The following SLIT3 variants were observed in gnomAD, a reference collection of about 807,000 sequenced individuals.
SLIT3 encodes the protein slit homolog 3 protein.
In SLIT3, 68 loss-of-function variants were observed where a neutral mutation model predicts 184.0. The observed-to-expected ratio is 0.37, with a 90% CI of 0.30 to 0.45. The LOEUF (loss-of-function observed/expected upper bound fraction) is 0.45. SLIT3 is among the 20% of genes least tolerant of loss of function. SLIT3 has a pLI of 1.00. For missense variants in SLIT3, 1,707 were observed against 2,026.0 expected (o/e 0.84, Z 3.02); for synonymous variants, 831 against 828.6 (o/e 1.00, Z -0.05).
chr5:168,910,361 CA>C (rs1369905836), intron 4 of SLIT3, among the ~76,000 whole-genome samples: 2 of 152,202 alleles, frequency 1.3e-5, no homozygotes, highest in East Asian at 3.8e-4. Flanking sequence ...CACATACATA[CA>C]AATTTACATA....
At chr5:169,044,313 T>C (rs1446902005) in intron 4 of SLIT3, among the ~76,000 whole-genome samples, 1 of 152,114 alleles carries the variant, frequency 6.6e-6, no homozygotes, top group Non-Finnish European at 1.5e-5. Flanking sequence ...ACTGAAAACA[T>C]ACATGCACAC....
Position 169,230,858 on chromosome 5 carries a change from A to G in SLIT3, c.341+13847T>C, listed in dbSNP as rs531925144. On this transcript the variant is annotated intron_variant, in intron 3 of 35. Transcript: ENST00000519560. ...AATAAAACTTTTTTTTTAAATATGC[A>G]TCTTAAAAAGTTTTCAGTCACGAAA... Among the ~76,000 whole-genome samples the G allele has an allele frequency of 7.2e-5, 11 of 152,308 alleles. No homozygotes were observed. The South Asian group carries it at 1.9e-3, about 26-fold the overall frequency.
At chr5:169,127,055 T>C (rs1387538748) in intron 4 of SLIT3, among the ~76,000 whole-genome samples, 1 of 152,240 alleles carries the variant, frequency 6.6e-6, no homozygotes. Flanking sequence ...GTTGGTCTGA[T>C]AGTTACTCCT....
chr5:168,929,857 AG>A (rs1292673978), intron 4 of SLIT3, among the ~76,000 whole-genome samples: 1 of 152,224 alleles, frequency 6.6e-6, no homozygotes, highest in African/African-American at 2.4e-5. Context: ...TCCACAGCAG[AG>A]GAGGCGGGTG....
At chr5:168,746,373 AGT>A (rs1763811479) in intron 20 of SLIT3, among the ~76,000 whole-genome samples, 1 of 60,660 alleles carries the variant, frequency 1.6e-5, no homozygotes, top group Non-Finnish European at 3.3e-5. Flanking sequence ...GTGGTGTGTG[AGT>A]GTGGTGGTGT....
intron 4 of SLIT3, among the ~76,000 whole-genome samples, chr5:169,058,391 CTTAG>C (rs979600655): frequency 1.3e-5 from 2 of 152,102 alleles, no homozygotes; most frequent in African/African-American, 4.8e-5. Context: ...ATTGGAAAGG[CTTAG>C]TTAGAAAGAA....
chr5:168,774,439 G>GTTGC, intron 12 of SLIT3, 61 bp from the exon 13 acceptor site: 2 of 1,520,402 alleles, frequency 1.3e-6, no homozygotes, highest in South Asian at 2.6e-5. Context: ...CGGGGCAAGG[G>GTTGC]TTGCACCTGC....
intron 4 of SLIT3, among the ~76,000 whole-genome samples, chr5:169,067,710 G>A (rs534570790): frequency 9.8e-5 from 15 of 152,290 alleles, no homozygotes; most frequent in Non-Finnish European, 2.1e-4. Flanking sequence ...GGAGTGAAAT[G>A]GAGGGTGTTT....
chr5:169,104,955 T>C (rs1760150427), intron 4 of SLIT3, among the ~76,000 whole-genome samples: 1 of 152,218 alleles, frequency 6.6e-6, no homozygotes, highest in East Asian at 1.9e-4. Context: ...GCCATTTTCA[T>C]GTCAAGAAAA....
intron 3 of SLIT3, among the ~76,000 whole-genome samples, chr5:169,194,533 G>A (rs1029480902): frequency 4.6e-5 from 7 of 151,538 alleles, no homozygotes; most frequent in African/African-American, 9.7e-5. Context: ...TAACTATGTC[G>A]GTATAAATGC....
intron 4 of SLIT3, among the ~76,000 whole-genome samples, chr5:169,015,112 A>T (rs1463154045): frequency 6.6e-6 from 1 of 151,980 alleles, no homozygotes; most frequent in East Asian, 1.9e-4. Context: ...ACAAAAAAAA[A>T]ACAAAGCAAC....
chr5:168,812,387 A>AGAC (rs1757187656), intron 8 of SLIT3, among the ~76,000 whole-genome samples: 1 of 152,250 alleles, frequency 6.6e-6, no homozygotes, highest in African/African-American at 2.4e-5. Flanking sequence ...ATGAGGTGAC[A>AGAC]GACATGCTAA....
intron 2 of SLIT3, among the ~76,000 whole-genome samples, chr5:169,249,291 C>T (rs1765696454): frequency 6.6e-6 from 1 of 151,842 alleles, no homozygotes; most frequent in African/African-American, 2.4e-5. Flanking sequence ...TATTAATAGT[C>T]TACTGGGGGA....
intron 6 of SLIT3, among the ~76,000 whole-genome samples, chr5:168,843,309 C>T (rs1341874054): frequency 6.6e-6 from 1 of 152,148 alleles, no homozygotes; most frequent in East Asian, 1.9e-4. Flanking sequence ...GGAGGGAGGA[C>T]CTTTCACTCA....
intron 14 of SLIT3, among the ~76,000 whole-genome samples, chr5:168,769,529 C>T (rs1755468626): frequency 6.6e-6 from 1 of 152,184 alleles, no homozygotes; most frequent in African/African-American, 2.4e-5. Context: ...TCTGTCTGGC[C>T]TCTCCTCCTT....
intron 8 of SLIT3, among the ~76,000 whole-genome samples, chr5:168,808,267 A>G (rs1318698887): frequency 6.6e-6 from 1 of 152,066 alleles, no homozygotes; most frequent in East Asian, 1.9e-4. Context: ...GAAAGCCTTT[A>G]TACTTCTGAG....
At position 168,774,303 on chromosome 5, in the gene SLIT3, G is replaced by A. The variant is rs1403128602; in HGVS notation, c.1227C>T (p.Ser409=). Residue 409 remains serine (S), a synonymous_variant, in exon 13 of 36, where the codon TCC becomes TCT. Transcript: ENST00000519560. ...FQDLQNLNLL[S]LYDNKLQTIS... ...TGGTCTGCAGCTTGTTGTCATACAG[G>A]GAGAGCAAGTTGAGGTTCTGCAGGT... 2 of 1,614,060 alleles carry A rather than the reference G, an allele frequency of 1.2e-6. No homozygotes were observed. The highest frequency in any genetic ancestry group is 1.7e-6 in the Non-Finnish European group (2 of 1,179,962).
intron 4 of SLIT3, among the ~76,000 whole-genome samples, chr5:168,934,872 G>A (rs1415086078): frequency 6.6e-6 from 1 of 151,472 alleles, no homozygotes; most frequent in Non-Finnish European, 1.5e-5. Flanking sequence ...GCTCACGCCT[G>A]TAATTCCAGC....
At chr5:169,283,301 G>C (rs1022282574) in intron 1 of SLIT3, among the ~76,000 whole-genome samples, 1 of 152,194 alleles carries the variant, frequency 6.6e-6, no homozygotes, top group Non-Finnish European at 1.5e-5. Context: ...GATTCAATGA[G>C]CATCTTAAGA....
Sources: allele counts gnomAD v4.1 joint callset (sites outside exome capture counted in the v4.1 genomes callset), GRCh38; gene constraint gnomAD v4.1.1; transcripts MANE v1.5; gene names NCBI Gene and HGNC (gene_info 2026-07-23, HGNC 2026-07-21).